The following AKAP6 variants were observed in gnomAD, a reference collection of about 807,000 sequenced individuals.
AKAP6 encodes the protein A-kinase anchor protein 6.
A neutral mutation model predicts 188.5 loss-of-function variants in AKAP6; 58 were observed. The observed-to-expected ratio is 0.31, with a 90% CI of 0.25 to 0.38. The LOEUF (loss-of-function observed/expected upper bound fraction) is 0.38, where lower values mean the gene tolerates loss of function less well. Among genes scored for constraint, AKAP6 ranks in the 10% least tolerant of loss-of-function variants. The pLI, the probability that AKAP6 is intolerant of heterozygous loss-of-function variation, is 1.00. For missense variants in AKAP6, 2,710 were observed against 2,740.0 expected (o/e 0.99, Z 0.24); for synonymous variants, 989 against 998.6 (o/e 0.99, Z 0.18).
intron 9 of AKAP6, among the ~76,000 whole-genome samples, chr14:32,724,989 C>CT (rs2030769813): frequency 5.5e-4 from 3 of 5,504 alleles, no homozygotes; most frequent in Non-Finnish European, 1.3e-3. Flanking sequence ...TATATTCAAC[C>CT]TAAAAAAAAA....
At chr14:32,628,207 AGTTATCT>A (rs1181269644) in intron 7 of AKAP6, 1 of 152,110 alleles carries the variant, frequency 6.6e-6, no homozygotes, top group Non-Finnish European at 1.5e-5. Context: ...CAAGGAGGTC[AGTTATCT>A]GGTGGTAATG....
chr14:32,342,825 A>T (rs1434770487), intron 1 of AKAP6, among the ~76,000 whole-genome samples: 3 of 152,096 alleles, frequency 2.0e-5, no homozygotes, highest in African/African-American at 7.2e-5. Flanking sequence ...CTCCAAATTG[A>T]TATGTAAAGT....
chr14:32,502,837 G>A (rs1455713010), intron 2 of AKAP6, among the ~76,000 whole-genome samples: 1 of 152,044 alleles, frequency 6.6e-6, no homozygotes, highest in South Asian at 2.1e-4. Flanking sequence ...GTACCATACT[G>A]ATGAACATTT....
At position 32,509,493 on chromosome 14, in the gene AKAP6, CT is replaced by C. The variant is rs1042344431; in HGVS notation, c.325-26053del. 2.6e-5 allele frequency among the ~76,000 whole-genome samples: 4 copies of C among 151,914 alleles called. No homozygotes were observed. The South Asian group carries it at 8.3e-4, about 32-fold the overall frequency. On this transcript the variant is annotated intron_variant, in intron 2 of 13. Transcript: ENST00000280979. ...TAGTTTTTTGTCTTATCTTTTCTAA[CT>C]TTTTTTTGTAAGGAACTCACATTAT...
chr14:32,798,126 A>G (rs1016524671), intron 12 of AKAP6, among the ~76,000 whole-genome samples: 4 of 152,238 alleles, frequency 2.6e-5, no homozygotes, highest in African/African-American at 9.6e-5. Context: ...GTATGCAGCC[A>G]ACAAACATAT....
chr14:32,626,346 T>G (rs929084513), intron 7 of AKAP6, among the ~76,000 whole-genome samples: 2 of 152,072 alleles, frequency 1.3e-5, no homozygotes, highest in African/African-American at 4.8e-5. Context: ...TTTAATTGGC[T>G]CTCAGCTTCA....
chr14:32,728,089 A>G (rs1446166922), intron 9 of AKAP6, among the ~76,000 whole-genome samples: 3 of 151,942 alleles, frequency 2.0e-5, no homozygotes, highest in African/African-American at 7.2e-5. Context: ...TTTGTTCACC[A>G]CTGAATGGCA....
intron 2 of AKAP6, among the ~76,000 whole-genome samples, chr14:32,502,201 T>G (rs971617083): frequency 6.6e-6 from 1 of 152,158 alleles, no homozygotes; most frequent in Admixed American, 6.6e-5. Flanking sequence ...GTGCTCTTAA[T>G]GGTGAAATTA....
At chr14:32,467,783 A>C (rs1878546724) in intron 2 of AKAP6, among the ~76,000 whole-genome samples, 1 of 152,064 alleles carries the variant, frequency 6.6e-6, no homozygotes, top group African/African-American at 2.4e-5. Context: ...CACACATTTT[A>C]CTTTTCAATG....
intron 2 of AKAP6, among the ~76,000 whole-genome samples, chr14:32,523,195 G>A (rs150454202): frequency 0.029 from 4,358 of 151,808 alleles, 171 homozygotes; most frequent in African/African-American, 0.087. Context: ...GGGAAGGGGG[G>A]GAGGGATAAC....
chr14:32,805,580 A>G (rs955460094), intron 12 of AKAP6, among the ~76,000 whole-genome samples: 6 of 152,214 alleles, frequency 3.9e-5, no homozygotes, highest in Non-Finnish European at 8.8e-5. Flanking sequence ...AATAATGGAT[A>G]TTAAGCCTCA....
intron 2 of AKAP6, among the ~76,000 whole-genome samples, chr14:32,534,753 G>A (rs938947946): frequency 6.6e-6 from 1 of 151,852 alleles, no homozygotes; most frequent in African/African-American, 2.4e-5. Context: ...ATCACCTGAG[G>A]TCAGGAGTTC....
At chr14:32,552,298 T>C (rs1390525518) in intron 4 of AKAP6, among the ~76,000 whole-genome samples, 1 of 152,172 alleles carries the variant, frequency 6.6e-6, no homozygotes, top group Non-Finnish European at 1.5e-5. Flanking sequence ...TGGGAATAGA[T>C]GAATTCCCTA....
At position 32,551,354 on chromosome 14, in the gene AKAP6, T is replaced by A. The variant is rs568685192; in HGVS notation, c.2346+4355T>A. 1.1e-3 allele frequency among the ~76,000 whole-genome samples: 170 copies of A among 152,078 alleles called. 1 individual carries two copies. The highest frequency in any genetic ancestry group is 1.6e-3 in the Non-Finnish European group (109 of 67,946). On this transcript the variant is annotated intron_variant, in intron 4 of 13. Coordinates refer to ENST00000280979, the MANE Select transcript of AKAP6 (RefSeq NM_004274.5). ...TGGGAGGCTGAGGTGGGCAGATCAC[T>A]TGAGGTCAGGAGTTTGAGACCAGCC...
chr14:32,542,286 T>C lies in AKAP6; in HGVS notation c.577-2944T>C, dbSNP rs534641046. ...CAGAGAAAGAAATTATAGGAAGGCA[T>C]AGAGAGACATTCTAAAATGTTGTCA... is the stretch of plus-strand genomic sequence containing the variant. On this transcript the variant is annotated intron_variant, in intron 3 of 13. Transcript: ENST00000280979. Among the ~76,000 whole-genome samples, 24 of 152,308 alleles carry C rather than the reference T, an allele frequency of 1.6e-4. No individual in the cohort carries two copies. In the South Asian group the frequency reaches 2.7e-3, roughly 17 times the overall value.
intron 7 of AKAP6, among the ~76,000 whole-genome samples, chr14:32,666,075 T>A (rs1428815168): frequency 6.6e-6 from 1 of 152,126 alleles, no homozygotes; most frequent in Non-Finnish European, 1.5e-5. Context: ...ATTATTTGCC[T>A]TTACATTATT....
At chr14:32,722,000 C>A (rs2030563307) in intron 9 of AKAP6, among the ~76,000 whole-genome samples, 1 of 152,150 alleles carries the variant, frequency 6.6e-6, no homozygotes, top group South Asian at 2.1e-4. Context: ...TGCTGTGTTC[C>A]TACTCAAGCT....
At chr14:32,406,893 G>A (rs1272087512) in intron 1 of AKAP6, among the ~76,000 whole-genome samples, 1 of 152,180 alleles carries the variant, frequency 6.6e-6, no homozygotes, top group Non-Finnish European at 1.5e-5. Flanking sequence ...GTGAGTGCTT[G>A]AGTGGGGATG....
intron 12 of AKAP6, among the ~76,000 whole-genome samples, chr14:32,799,060 C>T (rs552751320): frequency 3.3e-5 from 5 of 152,156 alleles, no homozygotes; most frequent in African/African-American, 7.2e-5. Flanking sequence ...AGAAATAATA[C>T]GTTGTGTGGC....
Sources: gnomAD v4.1 joint callset for allele counts (sites outside exome capture counted in the v4.1 genomes callset) on GRCh38, gnomAD v4.1.1 for gene constraint, MANE v1.5 for transcripts, NCBI Gene and HGNC (gene_info 2026-07-23, HGNC 2026-07-21) for gene names.